LRP1B: variants seen among roughly 807,000 people sequenced by gnomAD.
The protein encoded by LRP1B is low-density lipoprotein receptor-related protein 1B.
LRP1B carries 217 observed loss-of-function variants against 556.6 expected under a neutral mutation model. The ratio of observed to expected loss-of-function variants is 0.39; its 90% confidence interval spans 0.35 to 0.44. The LOEUF is 0.44. Among genes scored for constraint, LRP1B ranks in the 20% least tolerant of loss-of-function variants. LRP1B has a pLI of 1.00. For missense variants in LRP1B, 5,053 were observed against 5,620.8 expected, an observed-to-expected ratio of 0.90 and a Z score of 3.23; for synonymous variants, 2,047 against 1,865.8, an observed-to-expected ratio of 1.10 and a Z score of -2.50.
chr2:140,311,108 C>A (rs1684277075), intron 83 of LRP1B, among the ~76,000 whole-genome samples: 1 of 151,804 alleles, frequency 6.6e-6, no homozygotes, highest in African/African-American at 2.4e-5. Flanking sequence ...CTATGGAAAA[C>A]AGTATGGAGA....
At chr2:140,850,573 G>T (rs569835505) in intron 28 of LRP1B, among the ~76,000 whole-genome samples, 5 of 152,186 alleles carry the variant, frequency 3.3e-5, no homozygotes, top group African/African-American at 1.2e-4. Context: ...AACATTCTCA[G>T]TAATCAATTC....
Position 141,514,412 on chromosome 2 carries a change from T to C in LRP1B, c.206-33879A>G, listed in dbSNP as rs1001754362. ...CCTTTCTCGTTGGCCCTGCAAGGTG[T>C]GCTCTGCTCACGTCTCTGGGATGCT... On this transcript the variant is annotated intron_variant, in intron 2 of 90. Transcript: ENST00000389484. Among the ~76,000 whole-genome samples, 7 of 152,296 alleles carry C rather than the reference T, an allele frequency of 4.6e-5. 1 individual carries two copies. The highest frequency in any genetic ancestry group is 2.0e-4 in the Admixed American group (3 of 15,296).
chr2:140,937,951 T>G (rs1695278429), intron 20 of LRP1B, among the ~76,000 whole-genome samples: 1 of 151,876 alleles, frequency 6.6e-6, no homozygotes, highest in African/African-American at 2.4e-5. Context: ...AGAACTACCT[T>G]GATTTTCCAC....
intron 7 of LRP1B, among the ~76,000 whole-genome samples, chr2:141,104,747 G>C (rs963882950): frequency 1.1e-4 from 17 of 151,988 alleles, no homozygotes; most frequent in African/African-American, 3.9e-4. Flanking sequence ...TTAAGTTGCT[G>C]CTCCACCCTT....
chr2:140,953,144 G>A lies in LRP1B; in HGVS notation c.2888-1204C>T, dbSNP rs1350546160. 3.3e-5 allele frequency among the ~76,000 whole-genome samples: 5 copies of A among 152,168 alleles called. No individual in the cohort carries two copies. In the East Asian group the frequency reaches 5.8e-4, roughly 18 times the overall value. ...CTCACTCTGTGGCTCAGGCTGGAGT[G>A]CAGTGGCGAGATCCAGACTAATTGA... is the stretch of plus-strand genomic sequence containing the variant. On this transcript the variant is annotated intron_variant, in intron 18 of 90. Transcript: ENST00000389484.
rs965247640 is a variant in LRP1B, at chr2:140,235,739, G to A, written c.13561-855C>T. On this transcript the variant is annotated intron_variant, in intron 89 of 90. Coordinates refer to ENST00000389484, the MANE Select transcript of LRP1B (RefSeq NM_018557.3). ...AGTAAATGTGAAAATTTTTGAATGT[G>A]TAAAAAGCTATTCTCTTTAAGTGTA... 2.0e-5 allele frequency among the ~76,000 whole-genome samples: 3 copies of A among 151,032 alleles called. No individual in the cohort carries two copies. The Admixed American group carries it at 2.0e-4, about 10-fold the overall frequency.
chr2:141,096,629 GGAGAGA>G lies in LRP1B; in HGVS notation c.1014-34362_1014-34357del, dbSNP rs756327718. Among the ~76,000 whole-genome samples, 149 of 59,718 alleles carry G rather than the reference GGAGAGA, an allele frequency of 2.5e-3. 1 individual carries two copies. Among genetic ancestry groups the G allele is most frequent in the African/African-American group, 7.5e-3 (103 of 13,682 alleles). 39.2% of individuals were successfully genotyped at this position (59,718 alleles called of 152,430 possible). ...CTGAATGACAAAGACGGGGAGAGGG[GGAGAGA>G]GAGAGAGAGAGAGAGAGAGAGAGAG... On this transcript the variant is annotated intron_variant, in intron 7 of 90. Coordinates refer to ENST00000389484, the MANE Select transcript of LRP1B (RefSeq NM_018557.3).
Position 141,081,790 on chromosome 2 carries a change from A to C in LRP1B, c.1014-19517T>G, listed in dbSNP as rs116180588. ...ACTGAGCTGTCTCTAGTAACACACA[A>C]GCCCATTGCTGGGTACTGATGATAA... On this transcript the variant is annotated intron_variant, in intron 7 of 90. Transcript: ENST00000389484. 8.8e-3 allele frequency among the ~76,000 whole-genome samples: 1,346 copies of C among 152,340 alleles called. 21 individuals are homozygous for C. The highest frequency in any genetic ancestry group is 0.031 in the African/African-American group (1,279 of 41,570).
intron 20 of LRP1B, among the ~76,000 whole-genome samples, chr2:140,933,875 T>C (rs922614544): frequency 6.6e-6 from 1 of 152,116 alleles, no homozygotes; most frequent in Non-Finnish European, 1.5e-5. Flanking sequence ...TCAAAAGCCT[T>C]GAGTTGTCTT....
At chr2:140,639,812 T>C (rs1199064424) in intron 41 of LRP1B, among the ~76,000 whole-genome samples, 2 of 152,226 alleles carry the variant, frequency 1.3e-5, no homozygotes, top group Admixed American at 1.3e-4. Flanking sequence ...CCAGTCGCCG[T>C]TCTGACCTAA....
chr2:142,069,618 G>A (rs145047408), intron 1 of LRP1B, among the ~76,000 whole-genome samples: 89 of 151,692 alleles, frequency 5.9e-4, no homozygotes, highest in Admixed American at 1.1e-3. Flanking sequence ...GTTCATAAAC[G>A]TTAATATATG....
chr2:142,036,521 A>G (rs1485283998), intron 1 of LRP1B, among the ~76,000 whole-genome samples: 4 of 151,724 alleles, frequency 2.6e-5, no homozygotes, highest in African/African-American at 9.7e-5. Context: ...TATCAAGTCT[A>G]AAATATGAAA....
At chr2:141,532,082 T>C (rs1286450302) in intron 2 of LRP1B, among the ~76,000 whole-genome samples, 1 of 152,200 alleles carries the variant, frequency 6.6e-6, no homozygotes, top group Non-Finnish European at 1.5e-5. Flanking sequence ...GAAATACCTG[T>C]ATTATTTCCT....
chr2:141,792,048 C>CT (rs5834868), intron 2 of LRP1B, among the ~76,000 whole-genome samples: 93,123 of 150,052 alleles, frequency 0.62, 29,904 homozygotes, highest in African/African-American at 0.8. Context: ...TTTTTCAAGT[C>CT]TTTTTTTTTG....
chr2:140,278,700 T>C (rs993397425), intron 84 of LRP1B, among the ~76,000 whole-genome samples: 1 of 152,040 alleles, frequency 6.6e-6, no homozygotes, highest in Non-Finnish European at 1.5e-5. Context: ...TAATAAATAA[T>C]TCTAAATTGC....
chr2:141,375,638 TG>T (rs1340194473), intron 3 of LRP1B, among the ~76,000 whole-genome samples: 1 of 152,134 alleles, frequency 6.6e-6, no homozygotes, highest in Non-Finnish European at 1.5e-5. Flanking sequence ...GGGTGGGAGC[TG>T]CAACTGTGTC....
At chr2:141,330,747 C>CTTTTT (rs530844983) in intron 3 of LRP1B, among the ~76,000 whole-genome samples, 2 of 107,860 alleles carry the variant, frequency 1.9e-5, no homozygotes, top group Non-Finnish European at 3.7e-5. Flanking sequence ...GGCTAACAAA[C>CTTTTT]TTTTTTTTTT....
At chr2:141,507,295 T>C (rs542487745) in intron 2 of LRP1B, among the ~76,000 whole-genome samples, 9 of 152,298 alleles carry the variant, frequency 5.9e-5, no homozygotes, top group East Asian at 1.9e-4. Flanking sequence ...CAGATTTTTG[T>C]TGTTGTCATT....
chr2:140,949,834 G>A (rs548866750), intron 20 of LRP1B, among the ~76,000 whole-genome samples: 1 of 151,022 alleles, frequency 6.6e-6, no homozygotes, highest in South Asian at 2.1e-4. Context: ...CAGCTACTTG[G>A]AGGATGAGGC....
Sources: allele counts gnomAD v4.1 joint callset (sites outside exome capture counted in the v4.1 genomes callset), GRCh38; gene constraint gnomAD v4.1.1; transcripts MANE v1.5; gene names NCBI Gene and HGNC (gene_info 2026-07-23, HGNC 2026-07-21).